XYLT1: variants seen among roughly 807,000 people sequenced by gnomAD.
XYLT1 encodes beta-D-xylosyltransferase 1.
A neutral mutation model predicts 91.3 loss-of-function variants in XYLT1; 36 were observed. The ratio of observed to expected loss-of-function variants is 0.39; its 90% CI spans 0.30 to 0.52. XYLT1 has a LOEUF of 0.52. Ranked by LOEUF, XYLT1 falls within the 20% of genes least tolerant of loss-of-function variation. The pLI is 0.68. For missense variants in XYLT1, 1,242 were observed against 1,284.5 expected (o/e 0.97, Z 0.51); for synonymous variants, 588 against 532.0 (o/e 1.11, Z -1.45).
chr16:17,243,323 A>AT (rs1273555967), intron 3 of XYLT1, among the ~76,000 whole-genome samples: 4 of 152,220 alleles, frequency 2.6e-5, no homozygotes, highest in Non-Finnish European at 5.9e-5. Context: ...TAAAGTCTAA[A>AT]TGAGATCACA....
At chr16:17,460,482 A>G (rs1021483398) in intron 1 of XYLT1, among the ~76,000 whole-genome samples, 1 of 152,246 alleles carries the variant, frequency 6.6e-6, no homozygotes, top group Non-Finnish European at 1.5e-5. Flanking sequence ...TGAGAGGCAA[A>G]TAAGTGCAGT....
Position 17,134,715 on chromosome 16 carries a change from G to A in XYLT1, c.1785C>T (p.Phe595=), listed in dbSNP as rs752527297. The A allele has an allele frequency of 1.2e-6, 2 of 1,614,068 alleles. No homozygotes were observed. Among genetic ancestry groups the A allele is most frequent in the African/African-American group, 1.3e-5 (1 of 74,914 alleles). ...CCACGGCTTCAAACTTGCGGGCAAA[G>A]AAGGTAGGCCGGGCTGTCTGCTGTA... ...HRFQQTARPT[F]FARKFEAVVN... The change falls in exon 9 of 12, where the codon TTC becomes TTT. Residue 595 remains phenylalanine, a synonymous_variant. Coordinates refer to ENST00000261381, the MANE Select transcript of XYLT1 (RefSeq NM_022166.4).
chr16:17,229,697 C>G (rs912576576), intron 3 of XYLT1, among the ~76,000 whole-genome samples: 17 of 152,258 alleles, frequency 1.1e-4, no homozygotes, highest in African/African-American at 4.1e-4. Flanking sequence ...CCAGAAGACT[C>G]CAGAAATACT....
At position 17,457,930 on chromosome 16, in the gene XYLT1, G is replaced by A. The variant is rs568311789; in HGVS notation, c.363+12504C>T. Among the ~76,000 whole-genome samples, 22 of 151,964 alleles carry A rather than the reference G, an allele frequency of 1.4e-4. No individual in the cohort carries two copies. The South Asian group carries it at 4.6e-3, about 32-fold the overall frequency. On this transcript the variant is annotated intron_variant, in intron 1 of 11. Coordinates refer to ENST00000261381, the MANE Select transcript of XYLT1 (RefSeq NM_022166.4). ...GCCCCATTTCAAAAGGAAAAAAGAA[G>A]AAGAAAAAAAAGAATAACTTTTTCA... is the stretch of plus-strand genomic sequence containing the variant.
intron 3 of XYLT1, among the ~76,000 whole-genome samples, chr16:17,201,975 T>C (rs531614476): frequency 1.5e-3 from 236 of 152,262 alleles, no homozygotes; most frequent in Middle Eastern, 6.8e-3. Flanking sequence ...TCATGTTCTT[T>C]TAAATCCAAA....
chr16:17,384,952 A>G (rs1004465575), intron 1 of XYLT1, among the ~76,000 whole-genome samples: 1 of 151,702 alleles, frequency 6.6e-6, no homozygotes, highest in African/African-American at 2.4e-5. Flanking sequence ...GCACTTCTCA[A>G]TCTACACCTG....
At chr16:17,455,639 A>T (rs900959016) in intron 1 of XYLT1, among the ~76,000 whole-genome samples, 2 of 152,024 alleles carry the variant, frequency 1.3e-5, no homozygotes, top group Non-Finnish European at 2.9e-5. Context: ...GTAGATTTAA[A>T]TTGTTTTCCT....
In XYLT1 at chr16:17,103,771, A is replaced by G. The variant is rs1442149616; in HGVS notation, c.*4924T>C. On this transcript the variant is annotated 3_prime_UTR_variant, in exon 12 of 12. Transcript: ENST00000261381. ...ATATTCCCAGCCAAGTGGAGAGGGA[A>G]GAGAGGTCACTTTCTCCCTGCATAC... 1 of 152,160 alleles carries G rather than the reference A, an allele frequency of 6.6e-6. No homozygotes were observed. Among genetic ancestry groups the G allele is most frequent in the Non-Finnish European group, 1.5e-5 (1 of 68,070 alleles). 9.4% of individuals were successfully genotyped at this position (152,160 alleles called of 1,614,324 possible).
intron 5 of XYLT1, among the ~76,000 whole-genome samples, chr16:17,170,105 T>C (rs2031789547): frequency 6.6e-6 from 1 of 152,164 alleles, no homozygotes; most frequent in African/African-American, 2.4e-5. Flanking sequence ...TATGAGTTAC[T>C]TGTGTGTTGT....
At chr16:17,233,516 C>T (rs1433166758) in intron 3 of XYLT1, among the ~76,000 whole-genome samples, 4 of 152,358 alleles carry the variant, frequency 2.6e-5, no homozygotes, top group East Asian at 1.9e-4. Context: ...GGCCTGCAGA[C>T]GCGCCCTGCT....
chr16:17,143,112 A>G, intron 6 of XYLT1, among the ~76,000 whole-genome samples: 1 of 152,194 alleles, frequency 6.6e-6, no homozygotes, highest in East Asian at 1.9e-4. Context: ...TTCAGGTCCC[A>G]GAGCTGGTGA....
chr16:17,273,802 C>A (rs529329809), intron 2 of XYLT1, among the ~76,000 whole-genome samples: 145 of 146,672 alleles, frequency 9.9e-4, no homozygotes, highest in African/African-American at 3.6e-3. Context: ...CAAGATCATG[C>A]CACTGCACTC....
chr16:17,379,763 T>TTTCTCACACACACA (rs1555501170), intron 1 of XYLT1, among the ~76,000 whole-genome samples: 2 of 125,546 alleles, frequency 1.6e-5, no homozygotes, highest in African/African-American at 6.3e-5. Flanking sequence ...TCTCTCTCTC[T>TTTCTCACACACACA]CACACACACA....
chr16:17,284,257 A>AT (rs1038310597), intron 2 of XYLT1, among the ~76,000 whole-genome samples: 13 of 152,218 alleles, frequency 8.5e-5, no homozygotes, highest in African/African-American at 2.4e-4. Context: ...AGCAGCTACT[A>AT]TTTTTTTATT....
intron 1 of XYLT1, among the ~76,000 whole-genome samples, chr16:17,398,358 G>A (rs545849315): frequency 9.2e-5 from 14 of 152,286 alleles, no homozygotes; most frequent in South Asian, 4.1e-4. Flanking sequence ...AAGTAACAAC[G>A]TAAGACCGAC....
chr16:17,453,236 T>C (rs1014680782), intron 1 of XYLT1, among the ~76,000 whole-genome samples: 2 of 152,256 alleles, frequency 1.3e-5, no homozygotes, highest in African/African-American at 4.8e-5. Context: ...CCTTCTTCTC[T>C]TGTGCCATTC....
Position 17,135,992 on chromosome 16 carries a change from A to G in XYLT1, c.1765-1257T>C, listed in dbSNP as rs566160017. On this transcript the variant is annotated intron_variant, in intron 8 of 11. Transcript: ENST00000261381. Reference sequence around the variant, plus strand: ...TGTGTAGGGCTGCGGAGACAAATAAAACACAGGTCTCTCCCTTGAGGAGCT... The same window carrying G: ...TGTGTAGGGCTGCGGAGACAAATAAGACACAGGTCTCTCCCTTGAGGAGCT... Among the ~76,000 whole-genome samples the G allele has an allele frequency of 1.1e-4, 17 of 152,276 alleles. No individual in the cohort carries two copies. The East Asian group carries it at 3.3e-3, about 29-fold the overall frequency.
intron 2 of XYLT1, among the ~76,000 whole-genome samples, chr16:17,261,975 T>C (rs1281874210): frequency 6.6e-6 from 1 of 152,204 alleles, no homozygotes; most frequent in African/African-American, 2.4e-5. Flanking sequence ...TCTTTATTCT[T>C]GTAACCTAAA....
intron 5 of XYLT1, among the ~76,000 whole-genome samples, chr16:17,181,758 CT>C (rs201038065): frequency 6.0e-5 from 9 of 148,978 alleles, no homozygotes; most frequent in African/African-American, 9.8e-5. Flanking sequence ...AATTGCACTT[CT>C]TTTTTTTTTA....
Sources: gnomAD v4.1 joint callset for allele counts (sites outside exome capture counted in the v4.1 genomes callset) on GRCh38, gnomAD v4.1.1 for gene constraint, MANE v1.5 for transcripts, NCBI Gene and HGNC (gene_info 2026-07-23, HGNC 2026-07-21) for gene names.